Variants in OAS3 observed in about 807,000 individuals in gnomAD.
OAS3 encodes 2'-5'-oligoadenylate synthetase 3, also known as 2'-5'-oligoadenylate synthase 3.
A neutral mutation model predicts 113.0 loss-of-function variants in OAS3; 107 were observed. The ratio of observed to expected loss-of-function variants is 0.95; its 90% CI spans 0.81 to 1.11. OAS3 has a LOEUF of 1.11. Ranked by LOEUF, OAS3 falls within the 50% of genes most tolerant of loss-of-function variation. The probability of loss-of-function intolerance (pLI) is 0.00; values close to 1 mark genes in which losing one functional copy is unlikely to be tolerated. For synonymous variants in OAS3, 552 were observed against 573.6 expected (o/e 0.96, Z 0.54); for missense variants, 1,258 against 1,389.1 (o/e 0.91, Z 1.50).
intron 7 of OAS3, among the ~76,000 whole-genome samples, chr12:112,956,165 G>A (rs923947324): frequency 5.3e-5 from 8 of 152,182 alleles, no homozygotes; most frequent in Non-Finnish European, 8.8e-5. Flanking sequence ...TTGTATTTCT[G>A]TGTAATCGGT....
chr12:112,965,791 C>G lies in OAS3; in HGVS notation c.2451C>G (p.Ala817=). The change falls in exon 12 of 16, where the codon GCC becomes GCG. Residue 817 remains alanine (A), a synonymous_variant. Transcript: ENST00000228928. ...KGTALRGRSD[A]DLVVFLSCFS... The stretch of plus-strand genomic sequence containing the variant: ...CAGCTCTGCGAGGCCGCTCAGATGC[C>G]GACCTCGTGGTGTTCCTCAGCTGCT... 1 of 1,613,552 alleles carries G rather than the reference C, an allele frequency of 6.2e-7. No individual in the cohort carries two copies. Among genetic ancestry groups the G allele is most frequent in the Non-Finnish European group, 8.5e-7 (1 of 1,179,852 alleles).
intron 5 of OAS3, 112 bp downstream of exon 5, chr12:112,948,211 G>A: frequency 9.1e-7 from 1 of 1,102,980 alleles, no homozygotes; most frequent in Admixed American, 3.8e-5. Flanking sequence ...AAAAAGCAGG[G>A]GTGGCCAGGT....
chr12:112,969,758 G>A lies in OAS3; in HGVS notation c.3252+3G>A. 1.2e-6 allele frequency: 2 copies of A among 1,611,972 alleles called. No homozygotes were observed. Among genetic ancestry groups the A allele is most frequent in the Non-Finnish European group, 1.7e-6 (2 of 1,178,890 alleles). On this transcript the variant is annotated splice_donor_region_variant and intron_variant, in intron 15 of 15. Coordinates refer to ENST00000228928, the MANE Select transcript of OAS3 (RefSeq NM_006187.4). ...CCATCCAGCCATGGCCAGTGAAGGT[G>A]AGAGATCTGTGGTGCCAAAGGAAGT... is the stretch of plus-strand genomic sequence containing the variant.
At position 112,950,987 on chromosome 12, in the gene OAS3, C is replaced by T. The variant is rs2043786717; in HGVS notation, c.1657+12C>T. The T allele has an allele frequency of 6.2e-7, 1 of 1,609,636 alleles. No homozygotes were observed. Among genetic ancestry groups the T allele is most frequent in the African/African-American group, 1.3e-5 (1 of 74,838 alleles). On this transcript the variant is annotated intron_variant, in intron 7 of 15. Transcript: ENST00000228928. ...CTTCGATGCTGTGGGTGAGGGCGCCCAGCCTGTCCCTTGGAGAGTGATAGG... is the reference window on the plus strand; with the variant it reads ...CTTCGATGCTGTGGGTGAGGGCGCCTAGCCTGTCCCTTGGAGAGTGATAGG...
chr12:112,947,888 C>T (rs2043747667), intron 4 of OAS3, 58 bp from the exon 5 acceptor site: 8 of 1,454,466 alleles, frequency 5.5e-6, no homozygotes, highest in African/African-American at 4.3e-5. Context: ...GAACCAGGTC[C>T]GTTTCACTCC....
At position 112,967,492 on chromosome 12, in the gene OAS3, G is replaced by C. The variant is rs1395194498; in HGVS notation, c.2764G>C (p.Glu922Gln). Residue 922 changes from glutamate to glutamine, a missense_variant, in exon 13 of 16, where the codon GAG (glutamate) becomes CAG (glutamine). Glu to Gln is a conservative substitution (Grantham distance 29). Transcript: ENST00000228928. ...DLIHSYSNAGEYSTCFTELQR... is the reference protein window; with the variant it reads ...DLIHSYSNAGQYSTCFTELQR... ...CATCCACAGCTACAGCAATGCGGGC[G>C]AGTACTCCACCTGCTTCACAGAGCT... 2 of 1,613,562 alleles carry C rather than the reference G, an allele frequency of 1.2e-6. No homozygotes were observed. The highest frequency in any genetic ancestry group is 8.5e-7 in the Non-Finnish European group (1 of 1,179,816).
chr12:112,944,227 C>G (rs2043705708), intron 2 of OAS3, among the ~76,000 whole-genome samples: 3 of 152,278 alleles, frequency 2.0e-5, no homozygotes, highest in Admixed American at 6.5e-5. Flanking sequence ...AGCTGTTGCT[C>G]TAGGGACTGC....
At position 112,954,587 on chromosome 12, in the gene OAS3, C is replaced by G. The variant is rs1436688358; in HGVS notation, c.1657+3612C>G. On this transcript the variant is annotated intron_variant, in intron 7 of 15. Transcript: ENST00000228928. The surrounding 1 kb of genome is among the most constrained non-coding windows in gnomAD (Gnocchi z 4.0). ...CTGGGATTACAGGCGTGAGCCACTG[C>G]GCCTGGCCCCATTTCTTGTTTTTGT... 6.6e-6 allele frequency among the ~76,000 whole-genome samples: 1 copy of G among 152,160 alleles called. No individual in the cohort carries two copies. The highest frequency in any genetic ancestry group is 1.5e-5 in the Non-Finnish European group (1 of 68,032).
intron 14 of OAS3, 145 bp downstream of exon 14, chr12:112,968,319 C>T: frequency 5.2e-6 from 6 of 1,157,648 alleles, no homozygotes; most frequent in Non-Finnish European, 7.0e-6. Flanking sequence ...ACCTGAGGGA[C>T]AAACGGTCAA....
Position 112,946,813 on chromosome 12 carries a change from C to T in OAS3, c.707C>T (p.Ala236Val), listed in dbSNP as rs537549222. The T allele has an allele frequency of 6.2e-7, 1 of 1,613,778 alleles. No individual in the cohort carries two copies. The highest frequency in any genetic ancestry group is 8.5e-7 in the Non-Finnish European group (1 of 1,179,804). ...VYALELLTIF[A>V]WEQGCKKDAF... The stretch of plus-strand genomic sequence containing the variant: ...GCCCTGGAATTGCTGACCATCTTCG[C>T]CTGGGAGCAGGGCTGTAAGAAGGAT... Residue 236 changes from alanine (A) to valine (V), a missense_variant, in exon 4 of 16, where the codon GCC becomes GTC. Coordinates refer to ENST00000228928, the MANE Select transcript of OAS3 (RefSeq NM_006187.4).
In OAS3 at chr12:112,946,756, G is replaced by T; in HGVS notation, c.650G>T (p.Gly217Val). Residue 217 changes from glycine to valine, a missense_variant, in exon 4 of 16, where the codon GGG (glycine) becomes GTG (valine). By Grantham distance (109) the Gly-to-Val change is moderately radical (BLOSUM62 -3). Coordinates refer to ENST00000228928, the MANE Select transcript of OAS3 (RefSeq NM_006187.4). ...KHWYHQVCLQGLWKETLPPVY... is the reference protein window; with the variant it reads ...KHWYHQVCLQVLWKETLPPVY... Reference sequence around the variant, plus strand: ...GCCCTCTCACAGGTGTGCCTACAGGGGTTGTGGAAGGAGACGCTGCCCCCG... The same window carrying T: ...GCCCTCTCACAGGTGTGCCTACAGGTGTTGTGGAAGGAGACGCTGCCCCCG... The T allele has an allele frequency of 6.2e-7, 1 of 1,610,360 alleles. No homozygotes were observed. The highest frequency in any genetic ancestry group is 8.5e-7 in the Non-Finnish European group (1 of 1,178,484).
intron 4 of OAS3, 118 bp from the exon 5 acceptor site, chr12:112,947,828 A>C: frequency 1.1e-6 from 1 of 884,858 alleles, no homozygotes; most frequent in Non-Finnish European, 1.7e-6. Context: ...CAGAGAGGGT[A>C]AATCATTTGC....
chr12:112,967,310 C>A, intron 12 of OAS3, 108 bp from the exon 13 acceptor site: 1 of 1,103,030 alleles, frequency 9.1e-7, no homozygotes, highest in Non-Finnish European at 1.3e-6. Context: ...CCCAGACCAC[C>A]CTTAGGAAAA....
At chr12:112,950,653 C>T in intron 6 of OAS3, 40 bp from the exon 7 acceptor site, 4 of 1,606,242 alleles carry the variant, frequency 2.5e-6, no homozygotes, top group Middle Eastern at 1.7e-4. Context: ...CTCCCAGGCT[C>T]CTAGAGGGTC....
At position 112,950,875 on chromosome 12, in the gene OAS3, T is replaced by G. The variant is rs762004658; in HGVS notation, c.1557T>G (p.Phe519Leu). 4.3e-6 allele frequency: 7 copies of G among 1,614,028 alleles called. No individual in the cohort carries two copies. The South Asian group carries it at 5.5e-5, about 13-fold the overall frequency. Residue 519 changes from phenylalanine to leucine, a missense_variant, in exon 7 of 16, where the codon TTT becomes TTG. Physicochemically the swap from Phe to Leu is conservative, Grantham distance 22. Transcript: ENST00000228928. ...AGGTGCCCAGCCTGAGCCTTCAGTTTCCTGAGCAGAATGTGCCTGAGGCTC... is the reference window on the plus strand; with the variant it reads ...AGGTGCCCAGCCTGAGCCTTCAGTTGCCTGAGCAGAATGTGCCTGAGGCTC... ...QDQVPSLSLQ[F>L]PEQNVPEALQ...
At position 112,970,764 on chromosome 12, in the gene OAS3, A is replaced by G. The variant is rs1210089230; in HGVS notation, c.*791A>G. The G allele has an allele frequency of 6.6e-6, 1 of 152,224 alleles. No homozygotes were observed. Among genetic ancestry groups the G allele is most frequent in the African/African-American group, 2.4e-5 (1 of 41,452 alleles). 9.4% of individuals were successfully genotyped at this position (152,224 alleles called of 1,614,324 possible). A position where few individuals can be genotyped will look rare whatever the true frequency, so the allele number is the denominator to read the frequency against. Reference sequence around the variant, plus strand: ...CAGAGGGAGTTGGGACATGCATGCTATGGGGACCCTCTTGTTGGACACCTA... The same window carrying G: ...CAGAGGGAGTTGGGACATGCATGCTGTGGGGACCCTCTTGTTGGACACCTA... On this transcript the variant is annotated 3_prime_UTR_variant, in exon 16 of 16. Coordinates refer to ENST00000228928, the MANE Select transcript of OAS3 (RefSeq NM_006187.4).
intron 8 of OAS3, among the ~76,000 whole-genome samples, chr12:112,962,388 A>C (rs574581144): frequency 6.6e-6 from 1 of 152,340 alleles, no homozygotes; most frequent in South Asian, 2.1e-4. Flanking sequence ...TACACACTCA[A>C]GATGTTTCAA....
chr12:112,943,660 G>A (rs1438409548), intron 2 of OAS3, among the ~76,000 whole-genome samples: 1 of 152,166 alleles, frequency 6.6e-6, no homozygotes. Context: ...TCATAGGGTT[G>A]TGGTGGGGAT....
At position 112,967,608 on chromosome 12, in the gene OAS3, T is replaced by G. The variant is rs745494761; in HGVS notation, c.2865+15T>G. On this transcript the variant is annotated intron_variant, in intron 13 of 15. Transcript: ENST00000228928. ...GGTACCAGCAGGTTCGGCACATGGATAGGCCACCTTCCTAAGTTGCCCTGG... is the reference window on the plus strand; with the variant it reads ...GGTACCAGCAGGTTCGGCACATGGAGAGGCCACCTTCCTAAGTTGCCCTGG... 1.9e-6 allele frequency: 3 copies of G among 1,609,136 alleles called. No individual in the cohort carries two copies. In the African/African-American group the frequency reaches 4.0e-5, roughly 22 times the overall value.
Sources: allele counts gnomAD v4.1 joint callset (sites outside exome capture counted in the v4.1 genomes callset), GRCh38; gene constraint gnomAD v4.1.1; non-coding constraint Gnocchi (gnomAD v3.1); transcripts MANE v1.5; gene names NCBI Gene and HGNC (gene_info 2026-07-23, HGNC 2026-07-21).